DENND1B: variants seen among roughly 807,000 people sequenced by gnomAD.
The protein encoded by DENND1B is DENN domain-containing protein 1B.
A neutral mutation model predicts 90.1 loss-of-function variants in DENND1B; 59 were observed. That is an observed-to-expected ratio of 0.65 (90% CI 0.53 to 0.81). The LOEUF is 0.81. Among genes scored for constraint, DENND1B ranks in the 40% least tolerant of loss-of-function variants. DENND1B has a pLI of 0.00. For synonymous variants in DENND1B, 337 were observed against 324.6 expected (o/e 1.04, Z -0.41); for missense variants, 862 against 912.6 (o/e 0.94, Z 0.71).
In DENND1B at chr1:197,747,148, CT is replaced by C. The variant is rs558461388; in HGVS notation, c.82+25719del. 222 of 763,550 alleles carry C rather than the reference CT, an allele frequency of 2.9e-4. 1 individual carries two copies. In the African/African-American group the frequency reaches 3.3e-3, roughly 11 times the overall value. The allele number at this position is 763,550 out of a possible 1,614,324, so 47.3% of individuals were successfully genotyped here. ...CAATTTATCTTTTCTGGAGCGTTTT[CT>C]TTTTTTCCCTCTGAATCTTGAGGTT... On this transcript the variant is annotated intron_variant, in intron 2 of 22. Transcript: ENST00000620048.
chr1:197,574,467 C>CT (rs1459631201), intron 15 of DENND1B, among the ~76,000 whole-genome samples: 1 of 152,176 alleles, frequency 6.6e-6, no homozygotes, highest in Non-Finnish European at 1.5e-5. Context: ...GAAGAACATT[C>CT]CACATTCATG....
intron 15 of DENND1B, among the ~76,000 whole-genome samples, chr1:197,579,722 A>T (rs1390552308): frequency 6.6e-6 from 1 of 152,080 alleles, no homozygotes; most frequent in Non-Finnish European, 1.5e-5. Context: ...GTCTTTCCAT[A>T]CCACATTTTG....
chr1:197,535,524 T>C (rs559558927), intron 20 of DENND1B, among the ~76,000 whole-genome samples: 4 of 152,340 alleles, frequency 2.6e-5, no homozygotes, highest in African/African-American at 7.2e-5. Context: ...GAACAGCATG[T>C]CATTAAAAGT....
chr1:197,615,731 G>A (rs929848717), intron 11 of DENND1B, among the ~76,000 whole-genome samples: 4 of 150,710 alleles, frequency 2.7e-5, no homozygotes, highest in East Asian at 2.0e-4. Flanking sequence ...ATATTACTCC[G>A]TTCCTATGAT....
At chr1:197,740,221 G>A (rs1174302430) in intron 2 of DENND1B, among the ~76,000 whole-genome samples, 2 of 152,188 alleles carry the variant, frequency 1.3e-5, no homozygotes, top group Non-Finnish European at 2.9e-5. Flanking sequence ...AACAAAAAAT[G>A]CAAACCCTTG....
rs886612496 is a variant in DENND1B at position 197,507,724 on chromosome 1, G to A, written c.*2736C>T. On this transcript the variant is annotated 3_prime_UTR_variant, in exon 23 of 23. Coordinates refer to ENST00000620048, the MANE Select transcript of DENND1B (RefSeq NM_001195215.2). Reference sequence around the variant, plus strand: ...AGTTACCATAGAAAATATGGGCACTGTAGAATATAACACTTTCCTTTATTT... The same window carrying A: ...AGTTACCATAGAAAATATGGGCACTATAGAATATAACACTTTCCTTTATTT... The A allele has an allele frequency of 2.6e-5, 4 of 151,668 alleles. No homozygotes were observed. Among genetic ancestry groups the A allele is most frequent in the African/African-American group, 7.2e-5 (3 of 41,476 alleles). 9.4% of individuals were successfully genotyped at this position (151,668 alleles called of 1,614,324 possible).
At chr1:197,695,807 G>A (rs961429735) in intron 3 of DENND1B, among the ~76,000 whole-genome samples, 1 of 150,964 alleles carries the variant, frequency 6.6e-6, no homozygotes, top group Admixed American at 6.6e-5. Flanking sequence ...CAGAGTATTA[G>A]AATTTAATAA....
intron 15 of DENND1B, among the ~76,000 whole-genome samples, chr1:197,570,394 T>A (rs1673047949): frequency 6.6e-6 from 1 of 152,166 alleles, no homozygotes; most frequent in Admixed American, 6.5e-5. Context: ...ACTCAGATGT[T>A]TCCTCACAAT....
At position 197,766,903 on chromosome 1, in the gene DENND1B, C is replaced by T. The variant is rs183309083; in HGVS notation, c.82+5965G>A. ...CCGCCTCCTGGGTTCAAGTGATTCTCCTGCCTCAGCCTCTCAAGTAGTTGG... is the reference window on the plus strand; with the variant it reads ...CCGCCTCCTGGGTTCAAGTGATTCTTCTGCCTCAGCCTCTCAAGTAGTTGG... On this transcript the variant is annotated intron_variant, in intron 2 of 22. Transcript: ENST00000620048. Among the ~76,000 whole-genome samples the T allele has an allele frequency of 3.0e-4, 45 of 152,194 alleles. 1 individual carries two copies. The East Asian group carries it at 8.7e-3, about 29-fold the overall frequency.
At chr1:197,736,078 G>A (rs180821176) in intron 2 of DENND1B, 270 of 811,804 alleles carry the variant, frequency 3.3e-4, no homozygotes, top group Middle Eastern at 1.9e-3. Flanking sequence ...GCCCGTGAAA[G>A]TTTCAGTTCT....
upstream of DENND1B, among the ~76,000 whole-genome samples, chr1:197,776,770 C>T (rs1657289862): frequency 6.6e-6 from 1 of 151,794 alleles, no homozygotes; most frequent in African/African-American, 2.4e-5. Context: ...ATTGTATAGC[C>T]ATGGGCCTGT....
intron 20 of DENND1B, among the ~76,000 whole-genome samples, chr1:197,528,025 C>T (rs1669270597): frequency 6.6e-6 from 1 of 152,072 alleles, no homozygotes; most frequent in African/African-American, 2.4e-5. Context: ...TCCCAGAGTC[C>T]AATGAATTCC....
intron 15 of DENND1B, among the ~76,000 whole-genome samples, chr1:197,564,550 A>C (rs1175527880): frequency 1.3e-5 from 2 of 151,940 alleles, no homozygotes; most frequent in Admixed American, 6.6e-5. Flanking sequence ...GTATAAACCT[A>C]ATGTTTATAT....
intron 3 of DENND1B, among the ~76,000 whole-genome samples, chr1:197,674,770 G>A (rs1339907502): frequency 1.3e-5 from 2 of 151,756 alleles, no homozygotes; most frequent in Non-Finnish European, 1.5e-5. Flanking sequence ...AAAGAAATGT[G>A]TATCTAAAAA....
intron 3 of DENND1B, among the ~76,000 whole-genome samples, chr1:197,713,665 C>T (rs1660186569): frequency 1.3e-5 from 1 of 74,778 alleles, no homozygotes; most frequent in Non-Finnish European, 2.4e-5. Context: ...AGCGCACCAG[C>T]ATGGCACATG....
rs1417493671 is a variant in DENND1B, at chr1:197,509,736, C to T, written c.*724G>A. 2.0e-5 allele frequency: 3 copies of T among 151,468 alleles called. No homozygotes were observed. The highest frequency in any genetic ancestry group is 3.0e-5 in the Non-Finnish European group (2 of 67,714). 9.4% of individuals were successfully genotyped at this position (151,468 alleles called of 1,614,324 possible). A position where few individuals can be genotyped will look rare whatever the true frequency, so the allele number is the denominator to read the frequency against. Reference sequence around the variant, plus strand: ...AGACTGAAAACTCGTTAGAGTGTCTCATTTGTAAACAGAAGTCATTAACTT... The same window carrying T: ...AGACTGAAAACTCGTTAGAGTGTCTTATTTGTAAACAGAAGTCATTAACTT... On this transcript the variant is annotated 3_prime_UTR_variant, in exon 23 of 23. Transcript: ENST00000620048.
Position 197,621,902 on chromosome 1 carries a change from A to G in DENND1B, c.673-4143T>C, listed in dbSNP as rs536674332. On this transcript the variant is annotated intron_variant, in intron 10 of 22. Transcript: ENST00000620048. ...GTGACATATGATATTTAAAATGCAC[A>G]TATATTTTCATAAAGCATACCCAAT... Among the ~76,000 whole-genome samples, 17 of 151,640 alleles carry G rather than the reference A, an allele frequency of 1.1e-4. 1 individual carries two copies. Among genetic ancestry groups the G allele is most frequent in the Non-Finnish European group, 8.9e-5 (6 of 67,628 alleles).
intron 13 of DENND1B, among the ~76,000 whole-genome samples, chr1:197,601,812 C>T (rs937494410): frequency 6.6e-6 from 1 of 151,592 alleles, no homozygotes; most frequent in Non-Finnish European, 1.5e-5. Flanking sequence ...TTTACAAGCA[C>T]AGTTAAGGTT....
At chr1:197,626,331 C>G (rs546133897) in intron 10 of DENND1B, among the ~76,000 whole-genome samples, 47 of 152,214 alleles carry the variant, frequency 3.1e-4, no homozygotes, top group Non-Finnish European at 6.2e-4. Flanking sequence ...TCTCTCAGAC[C>G]ACAGGGCAAT....
Sources: gnomAD v4.1 joint callset for allele counts (sites outside exome capture counted in the v4.1 genomes callset) on GRCh38, gnomAD v4.1.1 for gene constraint, MANE v1.5 for transcripts, NCBI Gene and HGNC (gene_info 2026-07-23, HGNC 2026-07-21) for gene names.